NTM: variants seen among roughly 807,000 people sequenced by gnomAD.
NTM encodes the protein IgLON family member 2.
NTM carries 13 observed loss-of-function variants against 42.1 expected under a neutral mutation model. That is an observed-to-expected ratio of 0.31 (90% confidence interval 0.20 to 0.49). NTM has a LOEUF of 0.49. Among genes scored for constraint, NTM ranks in the 20% least tolerant of loss-of-function variants. NTM has a pLI of 0.99. For synonymous variants in NTM, 187 were observed against 179.2 expected, an observed-to-expected ratio of 1.04 and a Z score of -0.35; for missense variants, 373 against 452.8, an observed-to-expected ratio of 0.82 and a Z score of 1.60.
chr11:132,149,071 G>T (rs912174286), intron 3 of NTM, among the ~76,000 whole-genome samples: 1 of 152,062 alleles, frequency 6.6e-6, no homozygotes, highest in Non-Finnish European at 1.5e-5. Flanking sequence ...ATCCGCTGTC[G>T]ATATGCCTGG....
chr11:131,789,484 GAAGAAGA>G (rs2090052383), intron 1 of NTM, among the ~76,000 whole-genome samples: 1 of 9,084 alleles, frequency 1.1e-4, no homozygotes, highest in Non-Finnish European at 2.3e-4. Flanking sequence ...AGAAGAAGAA[GAAGAAGA>G]GGAAAGAAGA....
At chr11:131,718,094 G>A (rs1343228084) in intron 1 of NTM, among the ~76,000 whole-genome samples, 5 of 152,008 alleles carry the variant, frequency 3.3e-5, no homozygotes, top group African/African-American at 1.2e-4. Flanking sequence ...ATAGATTTTT[G>A]AATTCAATTT....
intron 1 of NTM, among the ~76,000 whole-genome samples, chr11:131,608,117 A>G (rs908760263): frequency 6.6e-6 from 1 of 152,072 alleles, no homozygotes; most frequent in Non-Finnish European, 1.5e-5. Flanking sequence ...TCATTGTTCA[A>G]TTCCCACCTA....
intron 2 of NTM, among the ~76,000 whole-genome samples, chr11:131,918,168 G>A (rs1403800094): frequency 6.6e-6 from 1 of 152,178 alleles, no homozygotes; most frequent in African/African-American, 2.4e-5. Flanking sequence ...CCTTCCAGAA[G>A]GGTGAGAGGG....
intron 1 of NTM, among the ~76,000 whole-genome samples, chr11:131,711,582 A>G (rs2077138633): frequency 6.6e-6 from 1 of 152,184 alleles, no homozygotes; most frequent in Non-Finnish European, 1.5e-5. Context: ...GCGATTCCTC[A>G]GGGATCTAGA....
intron 1 of NTM, among the ~76,000 whole-genome samples, chr11:131,618,718 A>G (rs1207049898): frequency 6.6e-6 from 1 of 152,242 alleles, no homozygotes; most frequent in Non-Finnish European, 1.5e-5. Flanking sequence ...TAGCAAATTC[A>G]GGGATAAGTA....
At chr11:131,914,025 A>G (rs1213889828) in intron 2 of NTM, among the ~76,000 whole-genome samples, 1 of 152,180 alleles carries the variant, frequency 6.6e-6, no homozygotes, top group Admixed American at 6.5e-5. Context: ...ATGCGCTAGA[A>G]CAAGGAAGGG....
At chr11:132,163,712 C>T (rs2074797291) in intron 3 of NTM, among the ~76,000 whole-genome samples, 1 of 152,208 alleles carries the variant, frequency 6.6e-6, no homozygotes, top group African/African-American at 2.4e-5. Flanking sequence ...TCCCAATTGC[C>T]AGCACAGGCA....
At chr11:132,070,317 T>G (rs1350106704) in intron 2 of NTM, among the ~76,000 whole-genome samples, 1 of 140,172 alleles carries the variant, frequency 7.1e-6, no homozygotes, top group East Asian at 2.3e-4. Flanking sequence ...AAACTGACGA[T>G]CACAGGTTAG....
At chr11:132,217,396 G>GTGTA (rs2084112548) in intron 4 of NTM, among the ~76,000 whole-genome samples, 1 of 151,070 alleles carries the variant, frequency 6.6e-6, no homozygotes, top group Non-Finnish European at 1.5e-5. Flanking sequence ...GTGTGTATGT[G>GTGTA]TATGTGTATG....
chr11:131,496,713 C>T (rs1309022462), intron 1 of NTM, among the ~76,000 whole-genome samples: 8 of 152,174 alleles, frequency 5.3e-5, no homozygotes, highest in South Asian at 2.1e-4. Flanking sequence ...TCAATAAAAC[C>T]GTTAGTGCCT....
intron 1 of NTM, among the ~76,000 whole-genome samples, chr11:131,749,940 C>A (rs914175553): frequency 6.6e-6 from 1 of 152,140 alleles, no homozygotes; most frequent in East Asian, 1.9e-4. Flanking sequence ...GGGCAGACAC[C>A]GAATCTTAAA....
intron 2 of NTM, among the ~76,000 whole-genome samples, chr11:131,959,226 CAGAAG>C (rs2061873423): frequency 6.6e-6 from 1 of 152,166 alleles, no homozygotes; most frequent in Admixed American, 6.5e-5. Flanking sequence ...AATCTTTTCT[CAGAAG>C]AGAGGTGTTC....
chr11:131,568,939 T>C (rs1565649446), intron 1 of NTM, among the ~76,000 whole-genome samples: 1 of 152,168 alleles, frequency 6.6e-6, no homozygotes, highest in Non-Finnish European at 1.5e-5. Flanking sequence ...GAACATATCA[T>C]TCACCTGTTT....
chr11:131,566,467 G>A (rs768247746), intron 1 of NTM, among the ~76,000 whole-genome samples: 17 of 152,048 alleles, frequency 1.1e-4, no homozygotes, highest in Non-Finnish European at 1.5e-4. Flanking sequence ...GTGTGTGCAC[G>A]TGTGCTAGAT....
At chr11:132,183,980 G>GA (rs11431134) in intron 3 of NTM, among the ~76,000 whole-genome samples, 8,196 of 151,918 alleles carry the variant, frequency 0.054, 397 homozygotes, top group East Asian at 0.13. Flanking sequence ...AAATCCTTCA[G>GA]AAAAAAGGAC....
chr11:132,314,893 A>G (rs1248288179), intron 7 of NTM, 190 bp downstream of exon 7: 2 of 1,356,178 alleles, frequency 1.5e-6, no homozygotes, highest in Non-Finnish European at 1.9e-6. Flanking sequence ...GAGGAGGCAG[A>G]CAGAAAGAGA....
chr11:131,751,152 T>C (rs2082451582), intron 1 of NTM, among the ~76,000 whole-genome samples: 1 of 152,162 alleles, frequency 6.6e-6, no homozygotes, highest in South Asian at 2.1e-4. Flanking sequence ...ATTATACTTA[T>C]GGGCCAGGCA....
chr11:131,814,506 T>C (rs1194069227), intron 1 of NTM, among the ~76,000 whole-genome samples: 1 of 152,110 alleles, frequency 6.6e-6, no homozygotes, highest in Non-Finnish European at 1.5e-5. Flanking sequence ...CAGATGGCAG[T>C]ACATTTTCAT....
Sources: allele counts gnomAD v4.1 joint callset (sites outside exome capture counted in the v4.1 genomes callset), GRCh38; gene constraint gnomAD v4.1.1; transcripts MANE v1.5; gene names NCBI Gene and HGNC (gene_info 2026-07-23, HGNC 2026-07-21).